STAG1: variants seen among roughly 807,000 people sequenced by gnomAD.
STAG1 encodes cohesin subunit SA-1.
Under a neutral mutation model 170.9 loss-of-function variants are expected in STAG1, and 26 were observed. The observed-to-expected ratio is 0.15, with a 90% CI of 0.11 to 0.21. STAG1 has a LOEUF of 0.21. STAG1 is among the 10% of genes least tolerant of loss of function. The pLI is 1.00. For synonymous variants in STAG1, 514 were observed against 497.7 expected (o/e 1.03, Z -0.44); for missense variants, 964 against 1,509.5 (o/e 0.64, Z 5.99).
intron 26 of STAG1, among the ~76,000 whole-genome samples, 163 bp from the exon 27 acceptor site, chr3:136,359,459 T>C (rs1936776226): frequency 6.6e-6 from 1 of 152,216 alleles, no homozygotes. Flanking sequence ...TTGTCTATTA[T>C]TAATAGCTTG....
At chr3:136,549,106 C>T (rs984439454) in intron 5 of STAG1, among the ~76,000 whole-genome samples, 5 of 152,120 alleles carry the variant, frequency 3.3e-5, no homozygotes, top group African/African-American at 9.7e-5. Flanking sequence ...GCAGTGGAAA[C>T]GGACTAATAA....
intron 2 of STAG1, among the ~76,000 whole-genome samples, chr3:136,625,358 C>T (rs540003123): frequency 1.9e-4 from 29 of 152,304 alleles, no homozygotes; most frequent in Non-Finnish European, 7.4e-5. Flanking sequence ...CAAATGACTT[C>T]AATACCCTAT....
intron 1 of STAG1, chr3:136,737,238 C>T: frequency 1.6e-6 from 1 of 638,470 alleles, no homozygotes; most frequent in South Asian, 1.4e-5. Context: ...CTTCCCCAGC[C>T]CAGCCACCAC....
At chr3:136,523,112 T>C (rs1043483020) in intron 6 of STAG1, among the ~76,000 whole-genome samples, 3 of 152,200 alleles carry the variant, frequency 2.0e-5, no homozygotes, top group African/African-American at 7.2e-5. Context: ...TCAAATGATA[T>C]TTCTAGTTCT....
chr3:136,478,485 T>C (rs1028747241), intron 9 of STAG1, among the ~76,000 whole-genome samples: 1 of 152,230 alleles, frequency 6.6e-6, no homozygotes, highest in African/African-American at 2.4e-5. Context: ...TAAATCCTAA[T>C]TTTCTTCTGT....
chr3:136,541,583 C>A (rs1016006873), intron 6 of STAG1, among the ~76,000 whole-genome samples: 2 of 148,606 alleles, frequency 1.3e-5, no homozygotes, highest in African/African-American at 5.1e-5. Context: ...CACACACACA[C>A]ACCAGGGGTT....
intron 25 of STAG1, among the ~76,000 whole-genome samples, chr3:136,364,654 C>T (rs1339183261): frequency 2.0e-5 from 3 of 152,060 alleles, no homozygotes; most frequent in Non-Finnish European, 2.9e-5. Flanking sequence ...CAGACATCTT[C>T]GACAGTGACT....
At chr3:136,679,621 C>T (rs1942264883) in intron 1 of STAG1, among the ~76,000 whole-genome samples, 1 of 151,200 alleles carries the variant, frequency 6.6e-6, no homozygotes, top group Non-Finnish European at 1.5e-5. Context: ...CCCAGCTACT[C>T]GGGAGGCTGA....
At chr3:136,541,537 T>TTCACACACACACACACACACTCACAC (rs1553743092) in intron 6 of STAG1, among the ~76,000 whole-genome samples, 1 of 50,826 alleles carries the variant, frequency 2.0e-5, no homozygotes, top group Admixed American at 1.9e-4. Context: ...AAGCTTAACA[T>TTCACACACACACACACACACTCACAC]TCACACACAC....
chr3:136,552,279 A>G (rs931756942), intron 5 of STAG1, among the ~76,000 whole-genome samples: 1 of 152,224 alleles, frequency 6.6e-6, no homozygotes, highest in African/African-American at 2.4e-5. Context: ...CATTTCCACA[A>G]AAAATTTTTT....
intron 9 of STAG1, among the ~76,000 whole-genome samples, chr3:136,495,301 A>G (rs1452540363): frequency 6.6e-6 from 1 of 152,210 alleles, no homozygotes; most frequent in Non-Finnish European, 1.5e-5. Flanking sequence ...TAAAAATTCA[A>G]TTTTAAAGGT....
chr3:136,557,075 T>A (rs1338817915), intron 5 of STAG1, among the ~76,000 whole-genome samples: 1 of 151,728 alleles, frequency 6.6e-6, no homozygotes, highest in Non-Finnish European at 1.5e-5. Flanking sequence ...TCTGCAAAAA[T>A]CCCAAACAAT....
chr3:136,508,368 A>C (rs539754249), intron 7 of STAG1, among the ~76,000 whole-genome samples: 1 of 152,252 alleles, frequency 6.6e-6, no homozygotes, highest in African/African-American at 2.4e-5. Flanking sequence ...TTTTCTAGAG[A>C]GGAAATGTTT....
At chr3:136,398,677 T>A in intron 22 of STAG1, 72 bp downstream of exon 22, 1 of 762,188 alleles carries the variant, frequency 1.3e-6, no homozygotes. Context: ...CTGATAATAG[T>A]AAATTATTAA....
intron 1 of STAG1, among the ~76,000 whole-genome samples, chr3:136,733,543 C>G (rs1934161576): frequency 6.6e-6 from 1 of 151,902 alleles, no homozygotes; most frequent in African/African-American, 2.4e-5. Flanking sequence ...AAGAAGTTGC[C>G]CAAGTTTACA....
chr3:136,423,860 T>A (rs1042414040), intron 16 of STAG1, among the ~76,000 whole-genome samples: 7 of 151,802 alleles, frequency 4.6e-5, no homozygotes, highest in East Asian at 1.9e-4. Context: ...AGTCTTTTTT[T>A]TTTTTATTTT....
intron 16 of STAG1, among the ~76,000 whole-genome samples, chr3:136,424,240 C>T (rs961669411): frequency 6.6e-6 from 1 of 151,430 alleles, no homozygotes; most frequent in South Asian, 2.1e-4. Context: ...GTATTCAATA[C>T]ATTGAAAAGT....
chr3:136,478,779 T>C (rs370084847), intron 9 of STAG1, among the ~76,000 whole-genome samples: 2 of 152,198 alleles, frequency 1.3e-5, no homozygotes, highest in African/African-American at 2.4e-5. Flanking sequence ...CATTTTTTGA[T>C]AGTATCTTTT....
chr3:136,699,083 G>A (rs1329303320), intron 1 of STAG1, among the ~76,000 whole-genome samples: 6 of 152,118 alleles, frequency 3.9e-5, no homozygotes, highest in Non-Finnish European at 7.4e-5. Flanking sequence ...GGTTTGGAAG[G>A]GTGTGAGGGT....
Sources: gnomAD v4.1 joint callset for allele counts (sites outside exome capture counted in the v4.1 genomes callset) on GRCh38, gnomAD v4.1.1 for gene constraint, MANE v1.5 for transcripts, NCBI Gene and HGNC (gene_info 2026-07-23, HGNC 2026-07-21) for gene names.